Variants in PRKCE observed in about 807,000 individuals in gnomAD.
PRKCE encodes the protein protein kinase C epsilon type.
A neutral mutation model predicts 85.4 loss-of-function variants in PRKCE; 16 were observed. The ratio of observed to expected loss-of-function variants is 0.19; its 90% CI spans 0.13 to 0.28. The LOEUF (loss-of-function observed/expected upper bound fraction) is 0.28. Ranked by LOEUF, PRKCE falls within the 10% of genes least tolerant of loss-of-function variation. The probability of loss-of-function intolerance (pLI) is 1.00; values close to 1 mark genes in which losing one functional copy is unlikely to be tolerated. For missense variants in PRKCE, 573 were observed against 975.2 expected (o/e 0.59, Z 5.49); for synonymous variants, 388 against 371.5 (o/e 1.04, Z -0.51).
intron 2 of PRKCE, among the ~76,000 whole-genome samples, chr2:45,973,268 G>C (rs533759260): frequency 6.6e-6 from 1 of 152,200 alleles, no homozygotes; most frequent in African/African-American, 2.4e-5. Context: ...TTCTCCACCT[G>C]TGGGTGACAG....
chr2:45,744,018 A>C (rs1324269682), intron 1 of PRKCE, among the ~76,000 whole-genome samples: 1 of 149,276 alleles, frequency 6.7e-6, no homozygotes, highest in Non-Finnish European at 1.5e-5. Context: ...TTTCCAGATA[A>C]TGCATCTAAT....
intron 2 of PRKCE, among the ~76,000 whole-genome samples, chr2:45,881,101 C>T (rs1456739604): frequency 7.0e-6 from 1 of 143,160 alleles, no homozygotes; most frequent in Non-Finnish European, 1.5e-5. Context: ...TGCAGTGAGC[C>T]GAGATCCCGC....
chr2:45,705,224 G>A (rs1292085404), intron 1 of PRKCE, among the ~76,000 whole-genome samples: 4 of 152,164 alleles, frequency 2.6e-5, no homozygotes, highest in South Asian at 2.1e-4. Context: ...TCCGAGCAGC[G>A]CTAGGGGCCT....
intron 1 of PRKCE, among the ~76,000 whole-genome samples, chr2:45,670,904 G>A (rs577751873): frequency 3.0e-4 from 45 of 152,328 alleles, no homozygotes; most frequent in South Asian, 2.3e-3. Flanking sequence ...ACCTTCTGTG[G>A]CCTGAAAGCC....
At chr2:46,065,324 G>C (rs1467762967) in intron 10 of PRKCE, among the ~76,000 whole-genome samples, 5 of 152,016 alleles carry the variant, frequency 3.3e-5, no homozygotes, top group Non-Finnish European at 4.4e-5. Flanking sequence ...ATTCTGACGG[G>C]AAACAGTTTT....
rs879807262 is a variant in PRKCE, at chr2:45,881,510, A to G, written c.412+38447A>G. 2.6e-5 allele frequency among the ~76,000 whole-genome samples: 4 copies of G among 152,198 alleles called. No homozygotes were observed. In the East Asian group the frequency reaches 7.7e-4, roughly 29 times the overall value. On this transcript the variant is annotated intron_variant, in intron 2 of 14. Coordinates refer to ENST00000306156, the MANE Select transcript of PRKCE (RefSeq NM_005400.3). ...ATAGTGATTGCAGTTAAAATATTTTATATTCAAAGTGCTTCATAGGTCCTT... is the reference window on the plus strand; with the variant it reads ...ATAGTGATTGCAGTTAAAATATTTTGTATTCAAAGTGCTTCATAGGTCCTT...
In PRKCE at chr2:46,138,695, GAC is replaced by G. The variant is rs1217876090; in HGVS notation, c.1593-6394_1593-6393del. On this transcript the variant is annotated intron_variant, in intron 11 of 14. Transcript: ENST00000306156. This position sits in a 1 kb window ranked among gnomAD's most constrained non-coding sequence, Gnocchi z 4.2. ...CAAGGGACACTTAGCAATGTCTGGAGACACAGTTGGTTGTCACAGCTGGAGAG... is the reference window on the plus strand; with the variant it reads ...CAAGGGACACTTAGCAATGTCTGGAGACAGTTGGTTGTCACAGCTGGAGAG... 2.6e-5 allele frequency among the ~76,000 whole-genome samples: 4 copies of G among 152,186 alleles called. No individual in the cohort carries two copies. The East Asian group carries it at 5.8e-4, about 22-fold the overall frequency.
At chr2:46,151,720 A>T (rs1381074355) in intron 13 of PRKCE, among the ~76,000 whole-genome samples, 1 of 152,272 alleles carries the variant, frequency 6.6e-6, no homozygotes, top group Non-Finnish European at 1.5e-5. Flanking sequence ...CTCAAGAGCC[A>T]ATCAGAAAAG....
Position 45,652,078 on chromosome 2 carries a change from G to A in PRKCE, c.-23G>A, listed in dbSNP as rs1675152335. ...CCCTCGGGGCAGACGGAGTGACCCCGGCCCCCACTCCCCGCCCCGACCATG... is the reference window on the plus strand; with the variant it reads ...CCCTCGGGGCAGACGGAGTGACCCCAGCCCCCACTCCCCGCCCCGACCATG... On this transcript the variant is annotated 5_prime_UTR_variant, in exon 1 of 15. Transcript: ENST00000306156. This position sits in a 1 kb window ranked among gnomAD's most constrained non-coding sequence, Gnocchi z 7.7. The A allele has an allele frequency of 1.7e-6, 1 of 600,920 alleles. No homozygotes were observed. Among genetic ancestry groups the A allele is most frequent in the Admixed American group, 2.4e-5 (1 of 41,242 alleles). The allele number at this position is 600,920 out of a possible 1,614,324, so 37.2% of individuals were successfully genotyped here. A position where few individuals can be genotyped will look rare whatever the true frequency, so the allele number is the denominator to read the frequency against.
Position 45,907,627 on chromosome 2 carries a change from G to A in PRKCE, c.412+64564G>A, listed in dbSNP as rs1252352297. On this transcript the variant is annotated intron_variant, in intron 2 of 14. Transcript: ENST00000306156. The surrounding 1 kb of genome is among the most constrained non-coding windows in gnomAD (Gnocchi z 4.5). ...TTCCCAGTGCCAATCATCGTGGTCCGCATTCTATGGACTGTTCTGTCCAGG... is the reference window on the plus strand; with the variant it reads ...TTCCCAGTGCCAATCATCGTGGTCCACATTCTATGGACTGTTCTGTCCAGG... 2.0e-5 allele frequency among the ~76,000 whole-genome samples: 3 copies of A among 152,188 alleles called. No individual in the cohort carries two copies. The highest frequency in any genetic ancestry group is 2.9e-5 in the Non-Finnish European group (2 of 68,024).
intron 11 of PRKCE, among the ~76,000 whole-genome samples, chr2:46,122,892 T>TG (rs1180316529): frequency 1.1e-4 from 17 of 149,712 alleles, no homozygotes; most frequent in African/African-American, 3.7e-4. Flanking sequence ...TTTTTTTTTT[T>TG]TTTTTTTTTT....
chr2:45,770,131 G>A (rs1685198863), intron 1 of PRKCE, among the ~76,000 whole-genome samples: 1 of 152,228 alleles, frequency 6.6e-6, no homozygotes, highest in South Asian at 2.1e-4. Flanking sequence ...GCAGTAGCGG[G>A]TGCTATTGGA....
chr2:45,876,151 C>T (rs895158989), intron 2 of PRKCE, among the ~76,000 whole-genome samples: 9 of 152,198 alleles, frequency 5.9e-5, no homozygotes, highest in African/African-American at 2.2e-4. Context: ...TCTGGTCTCC[C>T]TGCTTCCATC....
chr2:45,973,800 T>C (rs764959226), intron 2 of PRKCE, among the ~76,000 whole-genome samples: 18 of 152,234 alleles, frequency 1.2e-4, no homozygotes, highest in Non-Finnish European at 1.6e-4. Flanking sequence ...ATAAGACTCT[T>C]AGGAAGGACT....
At chr2:46,090,751 A>ATGCTCTGTGAAG (rs1553342691) in intron 11 of PRKCE, among the ~76,000 whole-genome samples, 12 of 151,774 alleles carry the variant, frequency 7.9e-5, no homozygotes, top group Admixed American at 1.3e-4. Context: ...AAGCTGCAAA[A>ATGCTCTGTGAAG]GGCTCTGTGG....
At chr2:45,978,074 T>C (rs1702598928) in intron 3 of PRKCE, 1 of 152,236 alleles carries the variant, frequency 6.6e-6, no homozygotes, top group African/African-American at 2.4e-5. Context: ...TGAGATGATA[T>C]AGCTCAGAGC....
intron 14 of PRKCE, among the ~76,000 whole-genome samples, chr2:46,171,328 GAC>G (rs1678874043): frequency 6.6e-6 from 1 of 152,226 alleles, no homozygotes; most frequent in Non-Finnish European, 1.5e-5. Context: ...AACCCCAAAA[GAC>G]TTGGTGGTGA....
chr2:46,143,337 G>T (rs1002195494), intron 11 of PRKCE, among the ~76,000 whole-genome samples: 3 of 152,042 alleles, frequency 2.0e-5, no homozygotes. Flanking sequence ...TACAAAATAG[G>T]GATAGAGGGG....
At chr2:45,850,314 T>A (rs568954839) in intron 2 of PRKCE, among the ~76,000 whole-genome samples, 1 of 152,314 alleles carries the variant, frequency 6.6e-6, no homozygotes, top group East Asian at 1.9e-4. Context: ...ATTGGAAAGG[T>A]GGATTTCTAA....
Sources: gnomAD v4.1 joint callset for allele counts (sites outside exome capture counted in the v4.1 genomes callset) on GRCh38, gnomAD v4.1.1 for gene constraint, Gnocchi (gnomAD v3.1) non-coding constraint, MANE v1.5 for transcripts, NCBI Gene and HGNC (gene_info 2026-07-23, HGNC 2026-07-21) for gene names.